NAPSA: variants seen among roughly 807,000 people sequenced by gnomAD.
The protein encoded by NAPSA is napsin-A.
NAPSA carries 37 observed loss-of-function variants against 36.7 expected under a neutral mutation model. The observed-to-expected ratio is 1.01, with a 90% CI of 0.78 to 1.33. The LOEUF is 1.33. Ranked by LOEUF, NAPSA falls within the 40% of genes most tolerant of loss-of-function variation. The pLI is 0.00. For synonymous variants in NAPSA, 222 were observed against 234.5 expected (o/e 0.95, Z 0.49); for missense variants, 532 against 543.8 (o/e 0.98, Z 0.21).
Position 50,361,006 on chromosome 19 carries a change from G to A in NAPSA, c.603C>T (p.Pro201=), listed in dbSNP as rs765668951. ...CCTGCTCCACCAGTACATCCATCGG[G>A]GGCCGAACTCCTTCCACAGACAGAA... ...FPILSVEGVR[P]PMDVLVEQGL... is the part of the protein sequence containing the mutation. Residue 201 remains proline (P), a synonymous_variant, in exon 5 of 9, where the codon CCC becomes CCT. Transcript: ENST00000253719. 11 of 1,613,952 alleles carry A rather than the reference G, an allele frequency of 6.8e-6. No homozygotes were observed. Among genetic ancestry groups the A allele is most frequent in the Non-Finnish European group, 1.7e-6 (2 of 1,180,036 alleles).
chr19:50,360,779 A>G (rs1406874729), intron 5 of NAPSA, among the ~76,000 whole-genome samples, 162 bp downstream of exon 5: 1 of 152,098 alleles, frequency 6.6e-6, no homozygotes. Context: ...TCCTGCATGG[A>G]GGATGCAACT....
chr19:50,363,098 G>A (rs1601127019), intron 1 of NAPSA, among the ~76,000 whole-genome samples: 1 of 152,182 alleles, frequency 6.6e-6, no homozygotes, highest in East Asian at 1.9e-4. Flanking sequence ...CAAGCACCAT[G>A]TGCGGTAATA....
chr19:50,358,968 C>G (rs553693124), intron 8 of NAPSA, 43 bp downstream of exon 8: 1 of 1,536,918 alleles, frequency 6.5e-7, no homozygotes, highest in South Asian at 1.1e-5. Context: ...CCTCTCAAAC[C>G]GTCATATGAC....
chr19:50,367,545 T>TCC (rs1393744873), upstream of NAPSA, among the ~76,000 whole-genome samples: 481 of 136,084 alleles, frequency 3.5e-3, 2 homozygotes, highest in South Asian at 8.1e-3. Context: ...AGTCTCTCTC[T>TCC]CTCCCTCTCT....
At chr19:50,368,184 CAAAA>C (rs1372308748), upstream of NAPSA, among the ~76,000 whole-genome samples, 38 of 129,582 alleles carry the variant, frequency 2.9e-4, no homozygotes, top group Middle Eastern at 8.0e-3. Context: ...AAAAAAGAAA[CAAAA>C]GAAAGGCTAG....
At chr19:50,361,867 T>A in intron 3 of NAPSA, 86 bp from the exon 4 acceptor site, 1 of 1,602,550 alleles carries the variant, frequency 6.2e-7, no homozygotes, top group Non-Finnish European at 8.5e-7. Flanking sequence ...TGTGAGGGCA[T>A]GATAAAAGAA....
At chr19:50,365,013 AT>A (rs1568588075) in intron 1 of NAPSA, among the ~76,000 whole-genome samples, 39 of 122,408 alleles carry the variant, frequency 3.2e-4, no homozygotes, top group African/African-American at 1.2e-3. Flanking sequence ...ATAATAATAA[AT>A]AATAATAATA....
upstream of NAPSA, chr19:50,365,707 A>G (rs1464331592): frequency 4.5e-6 from 5 of 1,099,900 alleles, no homozygotes; most frequent in Non-Finnish European, 6.6e-6. Context: ...CCCCACCTCC[A>G]GGTTTAGAAG....
upstream of NAPSA, among the ~76,000 whole-genome samples, chr19:50,367,824 T>A (rs571549449): frequency 6.6e-6 from 1 of 152,150 alleles, no homozygotes; most frequent in Non-Finnish European, 1.5e-5. Context: ...CCCAGGTGGG[T>A]CCAGAGATAC....
chr19:50,362,682 T>G (rs1002923327), intron 1 of NAPSA: 45 of 165,378 alleles, frequency 2.7e-4, no homozygotes, highest in African/African-American at 1.0e-3. Flanking sequence ...GGTTAGGGAC[T>G]ATTTTCCCCA....
upstream of NAPSA, among the ~76,000 whole-genome samples, chr19:50,366,850 T>TTTTA: frequency 7.6e-6 from 1 of 132,392 alleles, no homozygotes; most frequent in South Asian, 2.4e-4. Context: ...TTTTTTTTTT[T>TTTTA]GAGATGGAGT....
At chr19:50,364,314 C>CAAA (rs56181758) in intron 1 of NAPSA, among the ~76,000 whole-genome samples, 1 of 65,854 alleles carries the variant, frequency 1.5e-5, no homozygotes. Flanking sequence ...GACTCCGTCT[C>CAAA]AAAAAAAAAA....
upstream of NAPSA, among the ~76,000 whole-genome samples, chr19:50,367,624 GT>G (rs1451426546): frequency 3.3e-5 from 5 of 152,010 alleles, no homozygotes; most frequent in Non-Finnish European, 1.5e-5. Context: ...GGAGCTGGGA[GT>G]GGGGTGACAC....
In NAPSA at chr19:50,359,570, G is replaced by A; in HGVS notation, c.869C>T (p.Thr290Ile). ...GGCCCGGATCTCCTCAGTGGGTCCT[G>A]TGATGAGGGACGTGCCCGTATCCAG... ...AILDTGTSLI[T>I]GPTEEIRALH... is the part of the protein sequence containing the mutation. The change falls in exon 7 of 9, where the codon ACA becomes ATA. Residue 290 changes from threonine (T) to isoleucine (I), a missense_variant. Around this residue, in one of 3 missense-constraint regions of NAPSA, gnomAD observed 385 missense variants for 371.5 expected, o/e 1.04. Transcript: ENST00000253719. 6.2e-7 allele frequency: 1 copy of A among 1,614,232 alleles called. No homozygotes were observed. Among genetic ancestry groups the A allele is most frequent in the Non-Finnish European group, 8.5e-7 (1 of 1,180,052 alleles).
chr19:50,366,462 T>C (rs2037550815), upstream of NAPSA, among the ~76,000 whole-genome samples: 1 of 152,140 alleles, frequency 6.6e-6, no homozygotes, highest in African/African-American at 2.4e-5. Flanking sequence ...TCCTTCTGTG[T>C]GTTAGCTTGA....
At position 50,362,315 on chromosome 19, in the gene NAPSA, T is replaced by A; in HGVS notation, c.84-2A>T. The A allele has an allele frequency of 6.3e-7, 1 of 1,597,450 alleles. No individual in the cohort carries two copies. Among genetic ancestry groups the A allele is most frequent in the Non-Finnish European group, 8.5e-7 (1 of 1,171,302 alleles). On this transcript the variant is annotated splice_acceptor_variant, in intron 1 of 8. Coordinates refer to ENST00000253719, the MANE Select transcript of NAPSA (RefSeq NM_004851.3). LOFTEE classifies it high-confidence loss of function. The stretch of plus-strand genomic sequence containing the variant: ...GGTTGGACTCGATGAAGAGGGATGC[T>A]GTAGGGAAAGAGGATATTGACAGGA...
intron 8 of NAPSA, 75 bp from the exon 9 acceptor site, chr19:50,358,855 C>T (rs2037431400): frequency 7.1e-7 from 1 of 1,418,372 alleles, no homozygotes; most frequent in Admixed American, 2.3e-5. Flanking sequence ...CGTCCATCCC[C>T]CCCACCCTCG....
intron 4 of NAPSA, 77 bp downstream of exon 4, chr19:50,361,586 C>G (rs902078875): frequency 7.7e-7 from 1 of 1,295,260 alleles, no homozygotes; most frequent in Non-Finnish European, 1.1e-6. Context: ...CCTCCTCGAG[C>G]CTCTTCCTAA....
At chr19:50,367,576 C>CTCTCTCTG (rs2037565261), upstream of NAPSA, among the ~76,000 whole-genome samples, 1 of 146,610 alleles carries the variant, frequency 6.8e-6, no homozygotes, top group South Asian at 2.2e-4. Context: ...CTCTCTCTCT[C>CTCTCTCTG]TCTCTGTCTC....
Sources: gnomAD v4.1 joint callset for allele counts (sites outside exome capture counted in the v4.1 genomes callset) on GRCh38, gnomAD v4.1.1 for gene constraint, gnomAD v4.1.1 regional missense constraint, MANE v1.5 for transcripts, NCBI Gene and HGNC (gene_info 2026-07-23, HGNC 2026-07-21) for gene names.